Variants in RSF1 observed in about 807,000 individuals in gnomAD.
RSF1 encodes HBV pX-associated protein 8.
In RSF1, 13 loss-of-function variants were observed where a neutral mutation model predicts 145.2. The ratio of observed to expected loss-of-function variants is 0.09; its 90% confidence interval spans 0.06 to 0.14. The LOEUF (loss-of-function observed/expected upper bound fraction) is 0.14, where lower values mean the gene tolerates loss of function less well. Ranked by LOEUF, RSF1 falls within the 10% of genes least tolerant of loss-of-function variation. The pLI, the probability that RSF1 is intolerant of heterozygous loss-of-function variation, is 1.00. For synonymous variants in RSF1, 577 were observed against 592.6 expected, an observed-to-expected ratio of 0.97 and a Z score of 0.38; for missense variants, 1,517 against 1,718.2, an observed-to-expected ratio of 0.88 and a Z score of 2.07.
chr11:77,729,884 T>C lies in RSF1; in HGVS notation c.579-4185A>G, dbSNP rs563207418. 2.0e-4 allele frequency among the ~76,000 whole-genome samples: 12 copies of C among 59,896 alleles called. No homozygotes were observed. In the Admixed American group the frequency reaches 2.2e-3, roughly 11 times the overall value. The allele number at this position is 59,896 out of a possible 152,430, so 39.3% of individuals were successfully genotyped here. On this transcript the variant is annotated intron_variant, in intron 4 of 15. Coordinates refer to ENST00000308488, the MANE Select transcript of RSF1 (RefSeq NM_016578.4). ...CAACTTTTTGGTATAAATGCCAAAT[T>C]ATTCAGTAGGCAAAAAAAAAAAAAA... is the stretch of plus-strand genomic sequence containing the variant.
intron 1 of RSF1, among the ~76,000 whole-genome samples, chr11:77,805,846 G>A (rs556033140): frequency 6.6e-5 from 10 of 152,030 alleles, no homozygotes; most frequent in African/African-American, 2.4e-5. Flanking sequence ...ATAAACAAAC[G>A]CTGGGTCTTT....
At chr11:77,713,222 C>T (rs1029363816) in intron 5 of RSF1, among the ~76,000 whole-genome samples, 3 of 152,014 alleles carry the variant, frequency 2.0e-5, no homozygotes, top group Non-Finnish European at 2.9e-5. Context: ...AGCTCATTCA[C>T]GAGAAGATTC....
chr11:77,774,324 T>G (rs750084366), intron 1 of RSF1, among the ~76,000 whole-genome samples: 4 of 152,164 alleles, frequency 2.6e-5, no homozygotes, highest in African/African-American at 7.2e-5. Flanking sequence ...AGTTCCAGGT[T>G]GGGCGTGGTA....
intron 4 of RSF1, chr11:77,734,344 G>A (rs2135900043): frequency 1.8e-6 from 1 of 568,324 alleles, no homozygotes; most frequent in South Asian, 2.3e-5. Context: ...CTGAAGGAAT[G>A]GCACAAATCA....
chr11:77,675,384 G>GT lies in RSF1; in HGVS notation c.3342-129dup, dbSNP rs1959675120. ...TATAGTGCAACATATCTGGATAATT[G>GT]TATCAAATGCCCTATTTATAAAATG... On this transcript the variant is annotated intron_variant, in intron 13 of 15. Coordinates refer to ENST00000308488, the MANE Select transcript of RSF1 (RefSeq NM_016578.4). 9 of 664,828 alleles carry GT rather than the reference G, an allele frequency of 1.4e-5. No individual in the cohort carries two copies. The South Asian group carries it at 1.9e-4, about 14-fold the overall frequency. The allele number at this position is 664,828 out of a possible 1,614,324, so 41.2% of individuals were successfully genotyped here. A position where few individuals can be genotyped will look rare whatever the true frequency, so the allele number is the denominator to read the frequency against.
rs1429963046 is a variant in RSF1 at position 77,664,193 on chromosome 11, G to A, written c.*2724C>T. 2 of 152,142 alleles carry A rather than the reference G, an allele frequency of 1.3e-5. No individual in the cohort carries two copies. The highest frequency in any genetic ancestry group is 2.9e-5 in the Non-Finnish European group (2 of 68,020). 9.4% of individuals were successfully genotyped at this position (152,142 alleles called of 1,614,324 possible). Reference sequence around the variant, plus strand: ...AATCTGAACTCCAAGCAGCAAAACCGTTTTTGCACTGCTCAAAATTTAATA... The same window carrying A: ...AATCTGAACTCCAAGCAGCAAAACCATTTTTGCACTGCTCAAAATTTAATA... On this transcript the variant is annotated 3_prime_UTR_variant, in exon 16 of 16. Coordinates refer to ENST00000308488, the MANE Select transcript of RSF1 (RefSeq NM_016578.4).
chr11:77,734,011 T>C (rs1961275126), intron 4 of RSF1, among the ~76,000 whole-genome samples: 1 of 152,244 alleles, frequency 6.6e-6, no homozygotes, highest in African/African-American at 2.4e-5. Context: ...AATGCTTTTG[T>C]GGCAATTCTG....
At chr11:77,760,869 G>A (rs1449847750) in intron 2 of RSF1, among the ~76,000 whole-genome samples, 3 of 151,848 alleles carry the variant, frequency 2.0e-5, no homozygotes, top group Non-Finnish European at 4.4e-5. Context: ...ATCTCCTGTT[G>A]AGGGGTAGAA....
intron 5 of RSF1, among the ~76,000 whole-genome samples, chr11:77,706,835 C>T (rs951670866): frequency 6.6e-6 from 1 of 152,102 alleles, no homozygotes; most frequent in Non-Finnish European, 1.5e-5. Flanking sequence ...ACCCTCCACC[C>T]ACTTTCCTAA....
In RSF1 at chr11:77,683,831, T is replaced by C. The variant is rs1266167008; in HGVS notation, c.2956-12A>G. 3 of 1,583,606 alleles carry C rather than the reference T, an allele frequency of 1.9e-6. No individual in the cohort carries two copies. The highest frequency in any genetic ancestry group is 1.7e-5 in the Admixed American group (1 of 59,506). ...GAAAAGTCTGGCTCCTTAAAAAATA[T>C]GATAATAAGCATAGAGGTTATTCCT... On this transcript the variant is annotated splice_polypyrimidine_tract_variant and intron_variant, in intron 10 of 15. Coordinates refer to ENST00000308488, the MANE Select transcript of RSF1 (RefSeq NM_016578.4).
chr11:77,815,295 AT>A (rs1948771151), intron 1 of RSF1, among the ~76,000 whole-genome samples: 1 of 152,270 alleles, frequency 6.6e-6, no homozygotes, highest in Non-Finnish European at 1.5e-5. Context: ...CAAAGTGTAC[AT>A]TATAATTGCC....
Position 77,666,858 on chromosome 11 carries a change from T to A in RSF1, c.*59A>T. ...GAAAAATTAAACAGCTTTTAATAACTGGCCCGCTGGTGTGAGAGCTACCGT... is the reference window on the plus strand; with the variant it reads ...GAAAAATTAAACAGCTTTTAATAACAGGCCCGCTGGTGTGAGAGCTACCGT... On this transcript the variant is annotated 3_prime_UTR_variant, in exon 16 of 16. Coordinates refer to ENST00000308488, the MANE Select transcript of RSF1 (RefSeq NM_016578.4). 7.3e-7 allele frequency: 1 copy of A among 1,365,614 alleles called. No homozygotes were observed. Among genetic ancestry groups the A allele is most frequent in the Middle Eastern group, 2.1e-4 (1 of 4,664 alleles). The allele number at this position is 1,365,614 out of a possible 1,614,324, so 84.6% of individuals were successfully genotyped here.
chr11:77,791,071 G>T (rs2135966736), intron 1 of RSF1, among the ~76,000 whole-genome samples: 1 of 152,330 alleles, frequency 6.6e-6, no homozygotes, highest in African/African-American at 2.4e-5. Context: ...CTTCTGCACT[G>T]CCCTAGCAGA....
At chr11:77,839,758 G>A in the RSF1 span, among the ~76,000 whole-genome samples, 1 of 152,086 alleles carries the variant, frequency 6.6e-6, no homozygotes, top group Non-Finnish European at 1.5e-5. Flanking sequence ...TTATAAGTGG[G>A]TGCTGAACAA....
rs1303131251 is a variant in RSF1, at chr11:77,660,633, T to C, written c.*6284A>G. ...GAAAATAAAGCATTTCATATAAGCA[T>C]GTTGGAAAATTCAAGAGGCATTCTG... On this transcript the variant is annotated 3_prime_UTR_variant, in exon 16 of 16. Transcript: ENST00000308488. 1 of 152,146 alleles carries C rather than the reference T, an allele frequency of 6.6e-6. No homozygotes were observed. The highest frequency in any genetic ancestry group is 1.5e-5 in the Non-Finnish European group (1 of 68,018). 9.4% of individuals were successfully genotyped at this position (152,146 alleles called of 1,614,324 possible).
intron 2 of RSF1, among the ~76,000 whole-genome samples, chr11:77,752,326 G>GTA (rs1357232879): frequency 1.3e-5 from 2 of 152,120 alleles, no homozygotes; most frequent in South Asian, 2.1e-4. Flanking sequence ...TTGTTAGCAC[G>GTA]TATACGGTAA....
At chr11:77,824,050 G>A (rs1469350428), upstream of RSF1, among the ~76,000 whole-genome samples, 1 of 152,164 alleles carries the variant, frequency 6.6e-6, no homozygotes, top group African/African-American at 2.4e-5. Flanking sequence ...GAGTCCTTTG[G>A]CATCAGAAAG....
rs891319923 is a variant in RSF1, at chr11:77,665,317, A to G, written c.*1600T>C. On this transcript the variant is annotated 3_prime_UTR_variant, in exon 16 of 16. Transcript: ENST00000308488. ...GGCCAGCAGCAGATATGGTGTGTCC[A>G]TTGCCGGCAACAGACACAACACCGG... 1 of 152,192 alleles carries G rather than the reference A, an allele frequency of 6.6e-6. No homozygotes were observed. The highest frequency in any genetic ancestry group is 1.5e-5 in the Non-Finnish European group (1 of 68,046). The allele number at this position is 152,192 out of a possible 1,614,324, so 9.4% of individuals were successfully genotyped here.
Position 77,737,315 on chromosome 11 carries a change from G to T in RSF1, c.578+3416C>A, listed in dbSNP as rs577291928. ...GTACAAAAATTATCCAGGTGTGGTGGTTCACACCTGTAATCCCAGCTACTC... is the reference window on the plus strand; with the variant it reads ...GTACAAAAATTATCCAGGTGTGGTGTTTCACACCTGTAATCCCAGCTACTC... On this transcript the variant is annotated intron_variant, in intron 4 of 15. Transcript: ENST00000308488. Among the ~76,000 whole-genome samples, 4 of 152,098 alleles carry T rather than the reference G, an allele frequency of 2.6e-5. No individual in the cohort carries two copies. The East Asian group carries it at 7.7e-4, about 29-fold the overall frequency.
Sources: gnomAD v4.1 joint callset for allele counts (sites outside exome capture counted in the v4.1 genomes callset) on GRCh38, gnomAD v4.1.1 for gene constraint, MANE v1.5 for transcripts, NCBI Gene and HGNC (gene_info 2026-07-23, HGNC 2026-07-21) for gene names.